CELF4: variants seen among roughly 807,000 people sequenced by gnomAD.
CELF4 encodes the protein CUGBP Elav-like family member 4, also known as CUG-BP- and ETR-3-like factor 4.
A neutral mutation model predicts 59.9 loss-of-function variants in CELF4; 18 were observed. The observed-to-expected ratio is 0.30, with a 90% CI of 0.21 to 0.45. The LOEUF is 0.45. Ranked by LOEUF, CELF4 falls within the 20% of genes least tolerant of loss-of-function variation. The pLI is 1.00. For missense variants in CELF4, 456 were observed against 689.0 expected, an observed-to-expected ratio of 0.66 and a Z score of 3.79; for synonymous variants, 261 against 267.1, an observed-to-expected ratio of 0.98 and a Z score of 0.22.
chr18:37,278,987 G>A (rs1008407882), intron 3 of CELF4, among the ~76,000 whole-genome samples: 4 of 152,176 alleles, frequency 2.6e-5, no homozygotes, highest in South Asian at 2.1e-4. Flanking sequence ...TGCCAGTTTC[G>A]CAAGAGTCTT....
chr18:37,304,682 G>T (rs1167314290), intron 3 of CELF4, among the ~76,000 whole-genome samples: 1 of 152,252 alleles, frequency 6.6e-6, no homozygotes, highest in Non-Finnish European at 1.5e-5. Context: ...TGGAGGTGGG[G>T]TGAGGAGAAC....
At chr18:37,283,932 A>AAC (rs2094444310) in intron 3 of CELF4, among the ~76,000 whole-genome samples, 4 of 150,804 alleles carry the variant, frequency 2.7e-5, no homozygotes, top group Admixed American at 6.6e-5. Context: ...CACACACACC[A>AAC]ATACATGCAC....
intron 2 of CELF4, among the ~76,000 whole-genome samples, chr18:37,396,993 T>G (rs916015722): frequency 6.6e-6 from 1 of 152,214 alleles, no homozygotes. Context: ...TGTCTTCATT[T>G]TGGCCAAGCT....
intron 3 of CELF4, among the ~76,000 whole-genome samples, chr18:37,287,270 C>T (rs1055428633): frequency 1.3e-5 from 2 of 152,230 alleles, no homozygotes; most frequent in African/African-American, 2.4e-5. Context: ...CCAGGCTGCT[C>T]GTCTCTCCTC....
At position 37,388,984 on chromosome 18, in the gene CELF4, G is replaced by A. The variant is rs548446838; in HGVS notation, c.370-67103C>T. Among the ~76,000 whole-genome samples, 48 of 152,242 alleles carry A rather than the reference G, an allele frequency of 3.2e-4. 2 individuals carry two copies. Among genetic ancestry groups the A allele is most frequent in the African/African-American group, 1.1e-3 (47 of 41,548 alleles). On this transcript the variant is annotated intron_variant, in intron 2 of 12. Coordinates refer to ENST00000420428, the MANE Select transcript of CELF4 (RefSeq NM_020180.4). The stretch of plus-strand genomic sequence containing the variant: ...TCTGAGGCTTCCAGTGAAGGCTCTC[G>A]GAGGCACCACCCAGCACCTCATGAA...
rs181301620 is a variant in CELF4, at chr18:37,303,302, A to T, written c.448+18501T>A. On this transcript the variant is annotated intron_variant, in intron 3 of 12. Transcript: ENST00000420428. ...CTGCAAAGCTTGCTCTGCAACAGGG[A>T]GAGATTAATATTTGAAATCCTGGCA... 1.8e-3 allele frequency among the ~76,000 whole-genome samples: 274 copies of T among 152,244 alleles called. 1 individual carries two copies. Among genetic ancestry groups the T allele is most frequent in the Non-Finnish European group, 2.8e-3 (192 of 68,016 alleles).
intron 1 of CELF4, among the ~76,000 whole-genome samples, chr18:37,544,647 G>A (rs773711184): frequency 6.6e-6 from 1 of 152,220 alleles, no homozygotes; most frequent in Non-Finnish European, 1.5e-5. Flanking sequence ...AGCTACGTGA[G>A]GATGAGAATT....
At chr18:37,316,612 T>C (rs992933229) in intron 3 of CELF4, among the ~76,000 whole-genome samples, 1 of 152,010 alleles carries the variant, frequency 6.6e-6, no homozygotes, top group African/African-American at 2.4e-5. Flanking sequence ...TAACTTTGTG[T>C]CCTCACTGTA....
intron 2 of CELF4, among the ~76,000 whole-genome samples, chr18:37,366,450 A>G (rs2098784210): frequency 6.6e-6 from 1 of 152,152 alleles, no homozygotes; most frequent in African/African-American, 2.4e-5. Context: ...CAAGCAAAGC[A>G]CTGAGGCTGA....
intron 3 of CELF4, among the ~76,000 whole-genome samples, chr18:37,310,152 C>T (rs1346696108): frequency 1.3e-5 from 2 of 151,974 alleles, no homozygotes; most frequent in Admixed American, 1.3e-4. Context: ...CTATGTTTCT[C>T]CCGTGGCAGC....
At chr18:37,508,479 C>A (rs923951063) in intron 1 of CELF4, among the ~76,000 whole-genome samples, 1 of 152,166 alleles carries the variant, frequency 6.6e-6, no homozygotes, top group Non-Finnish European at 1.5e-5. Flanking sequence ...AGGTCTTTTG[C>A]GGAGTGGGGG....
intron 2 of CELF4, among the ~76,000 whole-genome samples, chr18:37,451,544 T>C (rs902987376): frequency 6.6e-6 from 1 of 152,060 alleles, no homozygotes; most frequent in Non-Finnish European, 1.5e-5. Flanking sequence ...TGTGTATGTA[T>C]GTGTGTGTGT....
At chr18:37,539,456 CACACACACACACACAA>C (rs1364027474) in intron 1 of CELF4, among the ~76,000 whole-genome samples, 3 of 112,048 alleles carry the variant, frequency 2.7e-5, no homozygotes, top group African/African-American at 8.7e-5. Context: ...AAGACACACA[CACACACACACACACAA>C]ACACACACAC....
At chr18:37,507,652 A>G (rs2099939578) in intron 1 of CELF4, among the ~76,000 whole-genome samples, 2 of 152,182 alleles carry the variant, frequency 1.3e-5, no homozygotes, top group African/African-American at 4.8e-5. Flanking sequence ...GGCTCCTCCT[A>G]GAGAAGGCAG....
At chr18:37,392,456 C>CTTGCTTAGTGCTCCTCA (rs2099172829) in intron 2 of CELF4, among the ~76,000 whole-genome samples, 2 of 152,190 alleles carry the variant, frequency 1.3e-5, no homozygotes, top group Non-Finnish European at 2.9e-5. Context: ...CTGGATCTGA[C>CTTGCTTAGTGCTCCTCA]CGCTGACCAC....
At chr18:37,276,598 G>T (rs946293584) in intron 3 of CELF4, 1 of 152,154 alleles carries the variant, frequency 6.6e-6, no homozygotes, top group South Asian at 2.1e-4. Flanking sequence ...ACACGTGAAT[G>T]AATGAGTCCT....
intron 2 of CELF4, among the ~76,000 whole-genome samples, chr18:37,428,860 T>C (rs8089892): frequency 0.32 from 48,430 of 152,036 alleles, 8,017 homozygotes; most frequent in Admixed American, 0.37. Flanking sequence ...TCTTTATTTC[T>C]GTATCTCTTC....
At chr18:37,331,736 G>A (rs1210492666) in intron 2 of CELF4, among the ~76,000 whole-genome samples, 1 of 151,986 alleles carries the variant, frequency 6.6e-6, no homozygotes. Flanking sequence ...TTCATGGGGT[G>A]GGCAGGGTGT....
chr18:37,353,093 T>C (rs763555618), intron 2 of CELF4, among the ~76,000 whole-genome samples: 57 of 151,768 alleles, frequency 3.8e-4, no homozygotes, highest in African/African-American at 4.4e-4. Context: ...TGATGGCACG[T>C]GCCTGCAGTC....
Sources: allele counts gnomAD v4.1 joint callset (sites outside exome capture counted in the v4.1 genomes callset), GRCh38; gene constraint gnomAD v4.1.1; transcripts MANE v1.5; gene names NCBI Gene and HGNC (gene_info 2026-07-23, HGNC 2026-07-21).